Variants in BOP1 observed in about 807,000 individuals in gnomAD.
BOP1 encodes the protein BOP1 ribosomal biogenesis factor.
In BOP1, 54 loss-of-function variants were observed where a neutral mutation model predicts 82.9. The observed-to-expected ratio is 0.65, with a 90% CI of 0.52 to 0.82. BOP1 has a LOEUF of 0.82. Among genes scored for constraint, BOP1 ranks in the 40% least tolerant of loss-of-function variants. BOP1 has a pLI of 0.00. For synonymous variants in BOP1, 566 were observed against 451.1 expected, an observed-to-expected ratio of 1.25 and a Z score of -3.23; for missense variants, 1,170 against 1,072.0, an observed-to-expected ratio of 1.09 and a Z score of -1.28.
At chr8:144,274,820 T>A (rs2130235837) in intron 3 of BOP1, among the ~76,000 whole-genome samples, 1 of 152,076 alleles carries the variant, frequency 6.6e-6, no homozygotes, top group Non-Finnish European at 1.5e-5. Flanking sequence ...TCCCCCGGCC[T>A]CCGCGCTCCG....
Position 144,289,374 on chromosome 8 carries a change from C to G in BOP1, c.100-70G>C. ...GGGGCACTGAACACTGCAGGGAGAG[C>G]TGCCTCTCGCCCCTCCAGCCACCCA... On this transcript the variant is annotated intron_variant, in intron 1 of 15. Coordinates refer to ENST00000569669, the MANE Select transcript of BOP1 (RefSeq NM_015201.5). 5 of 1,516,256 alleles carry G rather than the reference C, an allele frequency of 3.3e-6. No individual in the cohort carries two copies. In the South Asian group the frequency reaches 3.6e-5, roughly 11 times the overall value. The allele number at this position is 1,516,256 out of a possible 1,614,324, so 93.9% of individuals were successfully genotyped here. A position where few individuals can be genotyped will look rare whatever the true frequency, so the allele number is the denominator to read the frequency against.
At position 144,263,626 on chromosome 8, in the gene BOP1, A is replaced by T. The variant is rs1845287654; in HGVS notation, c.1292-16T>A. ...TCGTCAGAGCCTGGATGCGGCAGAG[A>T]CAGCTCTCAACACCTGGCCATCCCA... On this transcript the variant is annotated splice_polypyrimidine_tract_variant and intron_variant, in intron 10 of 15. Transcript: ENST00000569669. The T allele has an allele frequency of 2.5e-6, 4 of 1,608,386 alleles. No individual in the cohort carries two copies. In the South Asian group the frequency reaches 4.4e-5, roughly 18 times the overall value.
At chr8:144,279,908 T>C (rs1845642381) in intron 2 of BOP1, among the ~76,000 whole-genome samples, 1 of 152,050 alleles carries the variant, frequency 6.6e-6, no homozygotes, top group South Asian at 2.1e-4. Context: ...GAGGCCCGGC[T>C]GTGCTCACCT....
intron 2 of BOP1, among the ~76,000 whole-genome samples, chr8:144,279,170 A>G (rs1372896394): frequency 7.3e-6 from 1 of 136,702 alleles, no homozygotes; most frequent in Admixed American, 7.4e-5. Flanking sequence ...CACGACCACC[A>G]CGGGTCTCAA....
chr8:144,269,560 G>C (rs1028691908), intron 3 of BOP1, among the ~76,000 whole-genome samples: 2 of 152,214 alleles, frequency 1.3e-5, no homozygotes, highest in Non-Finnish European at 2.9e-5. Context: ...AAGGGCTAGA[G>C]GGGGGCTGAG....
rs1554838848 is a variant in BOP1 at position 144,281,021 on chromosome 8, TTCTCTCACTTTAATACCAGGTCTTA to T, written c.310-4742_310-4718del. ...TCACTTTCATACCAGGTCTTCGGCC[TTCTCTCACTTTAATACCAGGTCTTA>T]GGCCTTCTCTCACTTTCATACCAGG... is the stretch of plus-strand genomic sequence containing the variant. On this transcript the variant is annotated intron_variant, in intron 2 of 15. Transcript: ENST00000569669. 2.1e-5 allele frequency among the ~76,000 whole-genome samples: 3 copies of T among 146,336 alleles called. 1 individual carries two copies. Among genetic ancestry groups the T allele is most frequent in the Non-Finnish European group, 3.1e-5 (2 of 65,322 alleles).
chr8:144,262,089 G>A lies in BOP1; in HGVS notation c.*75C>T. ...TTGGCAACCCCAATTCAAGAAGGTG[G>A]GAGCACCAGGCAGCACAGGGTAAAG... On this transcript the variant is annotated 3_prime_UTR_variant, in exon 16 of 16. Transcript: ENST00000569669. 6.3e-7 allele frequency: 1 copy of A among 1,599,538 alleles called. No homozygotes were observed. Among genetic ancestry groups the A allele is most frequent in the Non-Finnish European group, 8.5e-7 (1 of 1,172,934 alleles).
chr8:144,270,267 G>GGGAGGTCTGGGCAGGGTCAAGA, intron 3 of BOP1, among the ~76,000 whole-genome samples: 1 of 152,214 alleles, frequency 6.6e-6, no homozygotes, highest in Non-Finnish European at 1.5e-5. Flanking sequence ...GGCCAGCATG[G>GGGAGGTCTGGGCAGGGTCAAGA]GGAGGTCTGG....
chr8:144,276,729 C>T (rs888593938), intron 2 of BOP1, among the ~76,000 whole-genome samples: 14 of 152,348 alleles, frequency 9.2e-5, no homozygotes, highest in South Asian at 2.1e-4. Flanking sequence ...CCGCCTGGGA[C>T]GGGGGCAGCA....
intron 2 of BOP1, among the ~76,000 whole-genome samples, chr8:144,287,947 C>A (rs782504501): frequency 6.6e-6 from 1 of 152,090 alleles, no homozygotes; most frequent in Non-Finnish European, 1.5e-5. Flanking sequence ...TAAATCCTTA[C>A]AAACGATTTC....
In BOP1 at chr8:144,263,735, G is replaced by A; in HGVS notation, c.1248C>T (p.Val416=). The A allele has an allele frequency of 6.3e-7, 1 of 1,578,494 alleles. No homozygotes were observed. Among genetic ancestry groups the A allele is most frequent in the Non-Finnish European group, 8.6e-7 (1 of 1,163,490 alleles). ...ALVYRGHSDL[V]RCLSVSPGGQ... ...CCCCAGGAGAGACACTGAGGCACCG[G>A]ACAAGGTCACTGTGGCCCCTGTAGA... Residue 416 remains valine (V), a synonymous_variant, in exon 10 of 16, where the codon GTC becomes GTT. Coordinates refer to ENST00000569669, the MANE Select transcript of BOP1 (RefSeq NM_015201.5).
rs4977209 is a variant in BOP1, at chr8:144,281,483, C to A, written c.310-5179G>T. Among the ~76,000 whole-genome samples, 10 of 5,804 alleles carry A rather than the reference C, an allele frequency of 1.7e-3. 2 individuals carry two copies. The highest frequency in any genetic ancestry group is 0.012 in the Admixed American group (3 of 248). The allele number at this position is 5,804 out of a possible 152,430, so 3.8% of individuals were successfully genotyped here. Reference sequence around the variant, plus strand: ...CAGGTCTTCGGCCTTCTCTCACTTTCATACCAGGTCTTTGGCCTTCCCTCA... The same window carrying A: ...CAGGTCTTCGGCCTTCTCTCACTTTAATACCAGGTCTTTGGCCTTCCCTCA... On this transcript the variant is annotated intron_variant, in intron 2 of 15. Transcript: ENST00000569669.
chr8:144,271,462 G>A (rs1204213127), intron 3 of BOP1, among the ~76,000 whole-genome samples: 7 of 152,084 alleles, frequency 4.6e-5, no homozygotes, highest in African/African-American at 1.2e-4. Context: ...GCCCCTCTCC[G>A]ATTACAATGC....
rs894026905 is a variant in BOP1, at chr8:144,262,380, C to T, written c.2087+16G>A. 1.3e-4 allele frequency: 208 copies of T among 1,612,666 alleles called. 2 individuals carry two copies. The South Asian group carries it at 2.1e-3, about 16-fold the overall frequency. On this transcript the variant is annotated intron_variant, in intron 15 of 15. Transcript: ENST00000569669. ...CCACTGCCCTGGGGAGGGGGCCAGG[C>T]AGGGTCAGCACTCACTTGTACACCA... is the stretch of plus-strand genomic sequence containing the variant.
Position 144,262,116 on chromosome 8 carries a change from C to T in BOP1, c.*48G>A. 2 of 1,610,210 alleles carry T rather than the reference C, an allele frequency of 1.2e-6. No individual in the cohort carries two copies. Among genetic ancestry groups the T allele is most frequent in the African/African-American group, 1.3e-5 (1 of 74,972 alleles). On this transcript the variant is annotated 3_prime_UTR_variant, in exon 16 of 16. Coordinates refer to ENST00000569669, the MANE Select transcript of BOP1 (RefSeq NM_015201.5). Reference sequence around the variant, plus strand: ...AGCACCAGGCAGCACAGGGTAAAGGCTCTGTTGACTTCAGCACGACCACCC... The same window carrying T: ...AGCACCAGGCAGCACAGGGTAAAGGTTCTGTTGACTTCAGCACGACCACCC...
chr8:144,265,469 A>C, intron 3 of BOP1: 2 of 268,080 alleles, frequency 7.5e-6, no homozygotes, highest in South Asian at 5.7e-5. Flanking sequence ...CTCGGGGAAG[A>C]CCCCAACTGA....
intron 2 of BOP1, among the ~76,000 whole-genome samples, chr8:144,277,156 C>T (rs1452615080): frequency 1.3e-5 from 2 of 152,154 alleles, no homozygotes; most frequent in Non-Finnish European, 2.9e-5. Flanking sequence ...AAGGCGGGCA[C>T]GCCCCCGCCC....
At position 144,262,499 on chromosome 8, in the gene BOP1, G is replaced by C. The variant is rs1554836526; in HGVS notation, c.1984C>G (p.His662Asp). ...STKPYRMLRH[H>D]KKALRAVAFH... is the part of the protein sequence containing the mutation. ...GCCACAGCCCGCAGAGCCTTCTTGT[G>C]GTGTCTGGGGGGAGGGAACCAGGTT... Residue 662 changes from histidine (H) to aspartate (D), a missense_variant, in exon 15 of 16, where the codon CAC becomes GAC. By Grantham distance (81) the His-to-Asp change is moderately conservative. Coordinates refer to ENST00000569669, the MANE Select transcript of BOP1 (RefSeq NM_015201.5). The C allele has an allele frequency of 6.2e-7, 1 of 1,612,802 alleles. No individual in the cohort carries two copies. Among genetic ancestry groups the C allele is most frequent in the South Asian group, 1.1e-5 (1 of 91,072 alleles).
At position 144,264,991 on chromosome 8, in the gene BOP1, C is replaced by T. The variant is rs1323713390; in HGVS notation, c.471G>A (p.Arg157=). The T allele has an allele frequency of 1.2e-6, 2 of 1,612,434 alleles. No homozygotes were observed. The highest frequency in any genetic ancestry group is 3.3e-5 in the Admixed American group (2 of 60,000). ...GGGTCCGCAGGGGCTTGTAGATGCG[C>T]CTGCCATCCAGGTCGTAGCCCACGT... ...FPHVGYDLDG[R]RIYKPLRTRD... The change falls in exon 4 of 16, where the codon AGG becomes AGA. Residue 157 remains arginine, a synonymous_variant. Transcript: ENST00000569669.
Sources: gnomAD v4.1 joint callset for allele counts (sites outside exome capture counted in the v4.1 genomes callset) on GRCh38, gnomAD v4.1.1 for gene constraint, MANE v1.5 for transcripts, NCBI Gene and HGNC (gene_info 2026-07-23, HGNC 2026-07-21) for gene names.